Variants in CENPI observed in about 807,000 individuals in gnomAD.
The protein encoded by CENPI is centromere protein I.
Under a neutral mutation model 60.4 loss-of-function variants are expected in CENPI, and 4 were observed. The observed-to-expected ratio is 0.07, with a 90% CI of 0.03 to 0.15. The LOEUF (loss-of-function observed/expected upper bound fraction) is 0.15, where lower values mean the gene tolerates loss of function less well. Ranked by LOEUF, CENPI falls within the 10% of genes least tolerant of loss-of-function variation. The probability of loss-of-function intolerance (pLI) is 1.00; values close to 1 mark genes in which losing one functional copy is unlikely to be tolerated. For synonymous variants in CENPI, 157 were observed against 189.4 expected, an observed-to-expected ratio of 0.83 and a Z score of 1.40; for missense variants, 444 against 534.5, an observed-to-expected ratio of 0.83 and a Z score of 1.67.
chrX:101,175,457 A>T, the CENPI span, among the ~76,000 whole-genome samples: 1 of 112,339 alleles, frequency 8.9e-6, no homozygotes, highest in African/African-American at 3.2e-5. Flanking sequence ...ATGGATGGGA[A>T]GAAAATAAGA....
At chrX:101,128,579 C>T (rs2089761255) in intron 11 of CENPI, 137 bp from the exon 12 acceptor site, 1 of 528,754 alleles carries the variant, frequency 1.9e-6, no homozygotes, top group African/African-American at 2.3e-5. Context: ...ATCCTCCTGC[C>T]TCAGCCTCCC....
intron 6 of CENPI, among the ~76,000 whole-genome samples, chrX:101,112,911 T>C (rs147378672): frequency 9.0e-6 from 1 of 110,824 alleles, no homozygotes; most frequent in Admixed American, 9.8e-5. Flanking sequence ...GTAGTGATTA[T>C]TGATATAGTA....
At chrX:101,168,468 A>T (rs1473735496), downstream of CENPI, among the ~76,000 whole-genome samples, 2 of 112,159 alleles carry the variant, frequency 1.8e-5, no homozygotes, top group Admixed American at 9.5e-5. Context: ...AGGGAGACTG[A>T]GGCAGGAGAA....
intron 7 of CENPI, 143 bp from the exon 8 acceptor site, chrX:101,120,595 C>A: frequency 1.6e-6 from 1 of 638,210 alleles, no homozygotes. Context: ...AGAGCATCTG[C>A]TTAATGGCTT....
intron 15 of CENPI, among the ~76,000 whole-genome samples, chrX:101,135,013 CA>C (rs60728769): frequency 0.16 from 15,505 of 95,746 alleles, 893 homozygotes; most frequent in Middle Eastern, 0.29. Flanking sequence ...GATTCCATCT[CA>C]AAAAAAAAAA....
intron 2 of CENPI, among the ~76,000 whole-genome samples, chrX:101,099,376 C>G (rs772635562): frequency 9.4e-6 from 1 of 105,876 alleles, no homozygotes; most frequent in Non-Finnish European, 1.9e-5. Context: ...TGTGGTGAGC[C>G]GAGATAGAGA....
chrX:101,132,050 C>T, intron 13 of CENPI, 140 bp from the exon 14 acceptor site: 1 of 451,493 alleles, frequency 2.2e-6, no homozygotes. Context: ...TGGCACCTAA[C>T]TTAAGGCTTT....
At chrX:101,116,482 G>A (rs1602781972) in intron 6 of CENPI, among the ~76,000 whole-genome samples, 2 of 111,259 alleles carry the variant, frequency 1.8e-5, no homozygotes, top group Admixed American at 1.9e-4. Context: ...CTGAGAATCC[G>A]CAGAGTTTGA....
intron 4 of CENPI, among the ~76,000 whole-genome samples, chrX:101,108,963 T>A (rs1269797825): frequency 2.7e-5 from 3 of 111,030 alleles, no homozygotes; most frequent in African/African-American, 9.8e-5. Flanking sequence ...TTATTGTATA[T>A]TAGTAGTTAA....
chrX:101,180,303 A>AT, the CENPI span, among the ~76,000 whole-genome samples: 2 of 109,953 alleles, frequency 1.8e-5, no homozygotes, highest in South Asian at 3.9e-4. Context: ...CACCTGGCTA[A>AT]TTTTTTTATT....
At chrX:101,178,828 G>A in the CENPI span, among the ~76,000 whole-genome samples, 1 of 111,560 alleles carries the variant, frequency 9.0e-6, no homozygotes, top group Non-Finnish European at 1.9e-5. Context: ...CTTTGCCATC[G>A]GTGAGCATTA....
At chrX:101,127,100 G>T in intron 9 of CENPI, 38 bp from the exon 10 acceptor site, 1 of 1,071,333 alleles carries the variant, frequency 9.3e-7, no homozygotes, top group Non-Finnish European at 1.2e-6. Flanking sequence ...TCAGTTTATG[G>T]GTACCTACTC....
At chrX:101,156,066 G>A (rs1004959395) in intron 20 of CENPI, among the ~76,000 whole-genome samples, 3 of 110,068 alleles carry the variant, frequency 2.7e-5, no homozygotes, top group African/African-American at 1.0e-4. Flanking sequence ...AGGCTGGAGT[G>A]CAATGGCATG....
intron 15 of CENPI, among the ~76,000 whole-genome samples, chrX:101,138,230 C>T (rs368471639): frequency 9.4e-6 from 1 of 106,821 alleles, no homozygotes; most frequent in Non-Finnish European, 1.9e-5. Context: ...TCAAGTGATC[C>T]GCCCGCCTCG....
chrX:101,144,087 CT>C lies in CENPI; in HGVS notation c.1566-959del, dbSNP rs58858609. Among the ~76,000 whole-genome samples the C allele has an allele frequency of 4.7e-3, 371 of 79,611 alleles. 9 individuals carry two copies. Among genetic ancestry groups the C allele is most frequent in the Admixed American group, 0.024 (159 of 6,549 alleles). The allele number at this position is 79,611 out of a possible 115,157, so 69.1% of individuals were successfully genotyped here. A position where few individuals can be genotyped will look rare whatever the true frequency, so the allele number is the denominator to read the frequency against. ...ATTTTATCCTGAATATTTTCTTTTT[CT>C]TTTTTTTTTTTTTTTTTGAGACAGG... is the stretch of plus-strand genomic sequence containing the variant. On this transcript the variant is annotated intron_variant, in intron 16 of 21. Transcript: ENST00000682095.
intron 20 of CENPI, among the ~76,000 whole-genome samples, chrX:101,158,773 G>A (rs2090078226): frequency 9.0e-6 from 1 of 111,170 alleles, no homozygotes; most frequent in Non-Finnish European, 1.9e-5. Flanking sequence ...TGGGATTACA[G>A]GCTTGCGCCA....
intron 20 of CENPI, among the ~76,000 whole-genome samples, chrX:101,151,592 G>T (rs1053805288): frequency 3.6e-5 from 4 of 111,365 alleles, no homozygotes; most frequent in African/African-American, 1.3e-4. Flanking sequence ...AGCACTTTGG[G>T]AGGCCAAGGC....
At chrX:101,120,682 A>G (rs765259893) in intron 7 of CENPI, 56 bp from the exon 8 acceptor site, 1 of 1,063,837 alleles carries the variant, frequency 9.4e-7, no homozygotes. Context: ...AATATAACCA[A>G]TTTCTTTTTA....
At chrX:101,128,151 A>G (rs1396442359) in intron 11 of CENPI, among the ~76,000 whole-genome samples, 3 of 111,137 alleles carry the variant, frequency 2.7e-5, no homozygotes, top group Non-Finnish European at 5.7e-5. Context: ...CCTGACCAAC[A>G]TGGAGAAACC....
Sources: gnomAD v4.1 joint callset for allele counts (sites outside exome capture counted in the v4.1 genomes callset) on GRCh38, gnomAD v4.1.1 for gene constraint, MANE v1.5 for transcripts, NCBI Gene and HGNC (gene_info 2026-07-23, HGNC 2026-07-21) for gene names.